Variants in TUSC3 observed in about 807,000 individuals in gnomAD.
TUSC3 encodes the protein dolichyl-diphosphooligosaccharide--protein glycosyltransferase subunit TUSC3.
In TUSC3, 45 loss-of-function variants were observed where a neutral mutation model predicts 44.8. The ratio of observed to expected loss-of-function variants is 1.00; its 90% CI spans 0.79 to 1.29. The LOEUF is 1.29. TUSC3 is among the 50% of genes most tolerant of loss of function. TUSC3 has a pLI of 0.00. For missense variants in TUSC3, 519 were observed against 437.9 expected (o/e 1.19, Z -1.65); for synonymous variants, 212 against 152.9 (o/e 1.39, Z -2.85).
intron 2 of TUSC3, among the ~76,000 whole-genome samples, chr8:15,511,188 T>A (rs1801130385): frequency 6.6e-6 from 1 of 152,076 alleles, no homozygotes; most frequent in Non-Finnish European, 1.5e-5. Context: ...TCAAGAAGGT[T>A]CACTCTTACT....
intron 6 of TUSC3, among the ~76,000 whole-genome samples, chr8:15,676,470 G>A (rs1043783729): frequency 6.6e-6 from 1 of 152,114 alleles, no homozygotes; most frequent in East Asian, 1.9e-4. Context: ...AAGCCTTTTA[G>A]TTTAATTAGG....
chr8:15,662,088 C>T, intron 4 of TUSC3, 68 bp from the exon 5 acceptor site: 1 of 1,569,858 alleles, frequency 6.4e-7, no homozygotes, highest in Non-Finnish European at 8.7e-7. Context: ...ATTATGAGGA[C>T]TAGAATATGA....
chr8:15,424,697 G>A lies in TUSC3; in HGVS notation n.91+7392G>A, dbSNP rs140433993. 6.8e-3 allele frequency among the ~76,000 whole-genome samples: 1,035 copies of A among 152,104 alleles called. 25 individuals are homozygous for A. Among genetic ancestry groups the A allele is most frequent in the East Asian group, 0.059 (302 of 5,118 alleles). Reference sequence around the variant, plus strand: ...AGATCGAGACTATCCTGGCTAACACGGTGAAACCCCGTCTCTACTAAAAAT... The same window carrying A: ...AGATCGAGACTATCCTGGCTAACACAGTGAAACCCCGTCTCTACTAAAAAT... On this transcript the variant is annotated intron_variant and non_coding_transcript_variant, in intron 1 of 5. Coordinates refer to the TUSC3 transcript ENST00000503191.
chr8:15,453,050 T>C (rs1800214680), intron 1 of TUSC3, among the ~76,000 whole-genome samples: 1 of 152,122 alleles, frequency 6.6e-6, no homozygotes, highest in Non-Finnish European at 1.5e-5. Context: ...AGAAACAGTA[T>C]CTAGGATTAA....
the TUSC3 span, among the ~76,000 whole-genome samples, chr8:15,835,891 A>G: frequency 6.6e-6 from 1 of 151,854 alleles, no homozygotes; most frequent in Non-Finnish European, 1.5e-5. Flanking sequence ...GTATTTTTGC[A>G]TATTTCTTCT....
At chr8:15,474,073 T>G (rs2129123422) in intron 1 of TUSC3, among the ~76,000 whole-genome samples, 1 of 152,270 alleles carries the variant, frequency 6.6e-6, no homozygotes, top group Admixed American at 6.5e-5. Flanking sequence ...TATTAATTAT[T>G]AATACTCCTT....
intron 1 of TUSC3, among the ~76,000 whole-genome samples, chr8:15,594,970 C>A (rs952313775): frequency 1.3e-5 from 2 of 152,096 alleles, no homozygotes; most frequent in African/African-American, 4.8e-5. Context: ...GGAAAGTTGT[C>A]TACCCTAGGT....
chr8:15,763,787 A>C (rs1812246228), intron 10 of TUSC3, among the ~76,000 whole-genome samples: 2 of 152,072 alleles, frequency 1.3e-5, no homozygotes, highest in African/African-American at 4.8e-5. Flanking sequence ...AAATTAACAA[A>C]AGACCAAGTG....
intron 1 of TUSC3, among the ~76,000 whole-genome samples, chr8:15,618,098 A>G (rs1805074787): frequency 6.6e-6 from 1 of 152,310 alleles, no homozygotes; most frequent in East Asian, 1.9e-4. Context: ...CCTGTCTAGG[A>G]CACTCTCCAT....
intron 1 of TUSC3, among the ~76,000 whole-genome samples, chr8:15,614,262 G>A (rs1804891061): frequency 6.6e-6 from 1 of 151,812 alleles, no homozygotes; most frequent in Non-Finnish European, 1.5e-5. Context: ...CTTTAGTATT[G>A]GATGAGGCTC....
chr8:15,513,797 C>T (rs1486986366), intron 2 of TUSC3, among the ~76,000 whole-genome samples: 1 of 152,186 alleles, frequency 6.6e-6, no homozygotes, highest in African/African-American at 2.4e-5. Context: ...CTCATAGGAG[C>T]CAACTGCACT....
intron 1 of TUSC3, among the ~76,000 whole-genome samples, chr8:15,425,386 A>G (rs537569349): frequency 3.3e-5 from 5 of 152,338 alleles, no homozygotes; most frequent in Admixed American, 6.5e-5. Context: ...TATGCAACAA[A>G]GTGACATTTC....
chr8:15,618,477 GCA>G (rs1301564208), intron 1 of TUSC3, among the ~76,000 whole-genome samples: 5 of 152,054 alleles, frequency 3.3e-5, no homozygotes, highest in African/African-American at 1.2e-4. Context: ...GCCTAGGCCT[GCA>G]CATGGTCAGG....
At chr8:15,553,075 A>G (rs1802113309) in intron 1 of TUSC3, among the ~76,000 whole-genome samples, 1 of 151,822 alleles carries the variant, frequency 6.6e-6, no homozygotes, top group African/African-American at 2.4e-5. Context: ...ATTTATTGAA[A>G]TAGGAAACAG....
chr8:15,787,571 T>G, the TUSC3 span, among the ~76,000 whole-genome samples: 605 of 152,336 alleles, frequency 4.0e-3, 3 homozygotes, highest in Non-Finnish European at 6.5e-3. Flanking sequence ...CAGTGACTTC[T>G]GTATATTTTC....
chr8:15,532,657 G>T (rs2129130862), intron 2 of TUSC3, among the ~76,000 whole-genome samples: 3 of 152,272 alleles, frequency 2.0e-5, no homozygotes, highest in Middle Eastern at 3.4e-3. Context: ...GATATGGTTT[G>T]GTTCTGTGTC....
chr8:15,613,055 TATATATATGATATATATATATATATC>T (rs1804829091), intron 1 of TUSC3, among the ~76,000 whole-genome samples: 2 of 73,844 alleles, frequency 2.7e-5, no homozygotes, highest in South Asian at 7.1e-4. Context: ...TAAGCCATAT[TATATATATGATATATATATATATATC>T]ATATATATGT....
downstream of TUSC3, among the ~76,000 whole-genome samples, chr8:15,771,250 A>G (rs1812435173): frequency 6.6e-6 from 1 of 152,138 alleles, no homozygotes; most frequent in Non-Finnish European, 1.5e-5. Flanking sequence ...CATGTTGGAA[A>G]ATACTCCTCA....
intron 2 of TUSC3, among the ~76,000 whole-genome samples, chr8:15,634,173 G>A (rs1451592968): frequency 1.3e-5 from 2 of 152,184 alleles, no homozygotes; most frequent in Admixed American, 6.5e-5. Flanking sequence ...CCTGGGGAGT[G>A]TATGTAGTGC....
Sources: gnomAD v4.1 joint callset for allele counts (sites outside exome capture counted in the v4.1 genomes callset) on GRCh38, gnomAD v4.1.1 for gene constraint, MANE v1.5 for transcripts, NCBI Gene and HGNC (gene_info 2026-07-23, HGNC 2026-07-21) for gene names.